The following ATL2 variants were observed in gnomAD, a reference collection of about 807,000 sequenced individuals.
The protein encoded by ATL2 is atlastin-2.
A neutral mutation model predicts 73.9 loss-of-function variants in ATL2; 31 were observed. That is an observed-to-expected ratio of 0.42 (90% CI 0.32 to 0.57). The LOEUF (loss-of-function observed/expected upper bound fraction) is 0.57, where lower values mean the gene tolerates loss of function less well. Ranked by LOEUF, ATL2 falls within the 20% of genes least tolerant of loss-of-function variation. The probability of loss-of-function intolerance (pLI) is 0.14; values close to 1 mark genes in which losing one functional copy is unlikely to be tolerated. For missense variants in ATL2, 738 were observed against 702.6 expected, an observed-to-expected ratio of 1.05 and a Z score of -0.57; for synonymous variants, 291 against 237.5, an observed-to-expected ratio of 1.23 and a Z score of -2.07.
At chr2:38,327,000 A>T (rs1668700338) in intron 2 of ATL2, among the ~76,000 whole-genome samples, 1 of 151,798 alleles carries the variant, frequency 6.6e-6, no homozygotes, top group Non-Finnish European at 1.5e-5. Context: ...AAAACAAAGC[A>T]AAACAAAAAT....
chr2:38,355,615 G>C (rs969061721), intron 1 of ATL2, among the ~76,000 whole-genome samples: 1 of 151,612 alleles, frequency 6.6e-6, no homozygotes, highest in Admixed American at 6.6e-5. Flanking sequence ...ACATAACAAT[G>C]CCAAGTAAGA....
chr2:38,365,491 C>T (rs141557730), intron 1 of ATL2, among the ~76,000 whole-genome samples: 79 of 152,132 alleles, frequency 5.2e-4, no homozygotes, highest in Middle Eastern at 3.4e-3. Flanking sequence ...CCTGTCTCTA[C>T]TAAAAATACA....
At chr2:38,353,808 G>GCTTTAGAGTGT (rs1181097184) in intron 1 of ATL2, among the ~76,000 whole-genome samples, 3 of 152,210 alleles carry the variant, frequency 2.0e-5, no homozygotes, top group Non-Finnish European at 4.4e-5. Flanking sequence ...GGGATTGATA[G>GCTTTAGAGTGT]CTTTAGAGTG....
chr2:38,325,840 A>G (rs1453233212), intron 2 of ATL2, among the ~76,000 whole-genome samples: 1 of 150,840 alleles, frequency 6.6e-6, no homozygotes, highest in Non-Finnish European at 1.5e-5. Context: ...AGGAGCAATT[A>G]AATTAGCCAA....
chr2:38,338,705 G>A (rs1669519485), intron 2 of ATL2, among the ~76,000 whole-genome samples: 1 of 152,096 alleles, frequency 6.6e-6, no homozygotes, highest in Non-Finnish European at 1.5e-5. Context: ...CAAGTCTGCA[G>A]TGGTGAAACC....
chr2:38,340,946 A>G (rs1226890620), intron 2 of ATL2, among the ~76,000 whole-genome samples: 1 of 152,062 alleles, frequency 6.6e-6, no homozygotes, highest in Non-Finnish European at 1.5e-5. Flanking sequence ...GGCTTCTGCA[A>G]CTCCCCCAGG....
chr2:38,322,575 T>C (rs770101737), intron 2 of ATL2, among the ~76,000 whole-genome samples: 7 of 152,196 alleles, frequency 4.6e-5, no homozygotes, highest in Admixed American at 2.6e-4. Context: ...ACTGAAATCA[T>C]AGGCTTATAT....
intron 9 of ATL2, among the ~76,000 whole-genome samples, chr2:38,303,236 T>A (rs1667275870): frequency 6.6e-6 from 1 of 152,156 alleles, no homozygotes; most frequent in African/African-American, 2.4e-5. Flanking sequence ...GACAGGGTTT[T>A]GCTCTGTCTC....
chr2:38,321,629 T>C (rs1047554752), intron 2 of ATL2, among the ~76,000 whole-genome samples: 2 of 152,216 alleles, frequency 1.3e-5, no homozygotes, highest in African/African-American at 2.4e-5. Flanking sequence ...CGTGCCACTG[T>C]CCTGCTGAAA....
At chr2:38,317,361 AAAAGT>A (rs1278029585) in intron 4 of ATL2, among the ~76,000 whole-genome samples, 1 of 152,260 alleles carries the variant, frequency 6.6e-6, no homozygotes, top group African/African-American at 2.4e-5. Context: ...TCAGAAAAGA[AAAAGT>A]AAAGAAACAC....
chr2:38,319,818 C>A (rs1004356078), intron 2 of ATL2, among the ~76,000 whole-genome samples: 2 of 151,932 alleles, frequency 1.3e-5, no homozygotes, highest in Non-Finnish European at 2.9e-5. Context: ...AAAAAATAAT[C>A]AATTTTAGGC....
At chr2:38,303,130 T>C (rs1441076990) in intron 9 of ATL2, among the ~76,000 whole-genome samples, 1 of 152,052 alleles carries the variant, frequency 6.6e-6, no homozygotes, top group Non-Finnish European at 1.5e-5. Flanking sequence ...GAGACTGAAA[T>C]AATTATAAAG....
intron 1 of ATL2, among the ~76,000 whole-genome samples, chr2:38,360,777 C>A (rs1310593091): frequency 6.6e-6 from 1 of 151,874 alleles, no homozygotes; most frequent in African/African-American, 2.4e-5. Flanking sequence ...GTTATGTGGA[C>A]CAGATTTTTA....
At chr2:38,329,031 T>C (rs1395204057) in intron 2 of ATL2, among the ~76,000 whole-genome samples, 1 of 150,358 alleles carries the variant, frequency 6.7e-6, no homozygotes, top group Non-Finnish European at 1.5e-5. Flanking sequence ...CTAAGAACTC[T>C]ATGCCCACAA....
intron 1 of ATL2, among the ~76,000 whole-genome samples, chr2:38,366,898 C>G (rs1325885471): frequency 6.6e-6 from 1 of 152,134 alleles, no homozygotes; most frequent in East Asian, 1.9e-4. Context: ...CCTCTAGTCC[C>G]AAAAGAAAAC....
intron 1 of ATL2, among the ~76,000 whole-genome samples, chr2:38,373,368 T>G (rs1573607906): frequency 6.6e-6 from 1 of 152,260 alleles, no homozygotes; most frequent in South Asian, 2.1e-4. Context: ...TAAGTGGTTG[T>G]TTGGGGACCA....
rs367889514 is a variant in ATL2, at chr2:38,358,477, CG to C, written c.119-14966del. 72 of 184,214 alleles carry C rather than the reference CG, an allele frequency of 3.9e-4. No homozygotes were observed. The East Asian group carries it at 5.4e-3, about 14-fold the overall frequency. 11.4% of individuals were successfully genotyped at this position (184,214 alleles called of 1,614,324 possible). A position where few individuals can be genotyped will look rare whatever the true frequency, so the allele number is the denominator to read the frequency against. Reference sequence around the variant, plus strand: ...CAGCACTTTGGGAGGCCAAGGCGGGCGGATCACGAGGTCAGGAGATCGAGAC... The same window carrying C: ...CAGCACTTTGGGAGGCCAAGGCGGGCGATCACGAGGTCAGGAGATCGAGAC... On this transcript the variant is annotated intron_variant, in intron 1 of 12. Coordinates refer to ENST00000378954, the MANE Select transcript of ATL2 (RefSeq NM_001135673.4).
chr2:38,317,464 T>C (rs1026087), intron 4 of ATL2, among the ~76,000 whole-genome samples: 50,766 of 151,966 alleles, frequency 0.33, 8,705 homozygotes, highest in South Asian at 0.47. Context: ...TAGAACCGGA[T>C]AGAACACCAA....
chr2:38,300,791 C>T (rs1467784996), intron 9 of ATL2, among the ~76,000 whole-genome samples: 1 of 150,674 alleles, frequency 6.6e-6, no homozygotes, highest in Non-Finnish European at 1.5e-5. Context: ...GCTGAAACTA[C>T]AAGGTGTGTG....
Sources: gnomAD v4.1 joint callset for allele counts (sites outside exome capture counted in the v4.1 genomes callset) on GRCh38, gnomAD v4.1.1 for gene constraint, MANE v1.5 for transcripts, NCBI Gene and HGNC (gene_info 2026-07-23, HGNC 2026-07-21) for gene names.